The following LTK variants were observed in gnomAD, a reference collection of about 807,000 sequenced individuals.
LTK encodes leukocyte receptor tyrosine kinase.
A neutral mutation model predicts 101.5 loss-of-function variants in LTK; 117 were observed. That is an observed-to-expected ratio of 1.15 (90% CI 0.99 to 1.34). The LOEUF is 1.34. Ranked by LOEUF, LTK falls within the 40% of genes most tolerant of loss-of-function variation. The pLI, the probability that LTK is intolerant of heterozygous loss-of-function variation, is 0.00. For missense variants in LTK, 1,252 were observed against 1,164.7 expected (o/e 1.07, Z -1.09); for synonymous variants, 563 against 494.2 (o/e 1.14, Z -1.85).
Position 41,504,597 on chromosome 15 carries a change from T to C in LTK, c.2164A>G (p.Met722Val), listed in dbSNP as rs1039581319. The C allele has an allele frequency of 1.1e-5, 18 of 1,613,652 alleles. No homozygotes were observed. The highest frequency in any genetic ancestry group is 1.5e-5 in the Non-Finnish European group (18 of 1,179,992). ...TGGTTGGTGCGCCCAGGATAGGGCA[T>C]GTAGCCCAGTGAGAAGATCTCCCAG... is the stretch of plus-strand genomic sequence containing the variant. The part of the protein sequence containing the change: ...LLWEIFSLGY[M>V]PYPGRTNQEV... The change falls in exon 18 of 20, where the codon ATG becomes GTG. Residue 722 changes from methionine to valine, a missense_variant. Transcript: ENST00000263800.
At position 41,513,040 on chromosome 15, in the gene LTK, G is replaced by C. The variant is rs756998856; in HGVS notation, c.124C>G (p.Arg42Gly). ...GGCGGGGCGCTGACTTTCGGGTCCC[G>C]GGGGCTGGGACTTGCCAGCGGCAGG... ...SPLPLASPSP[R>G]DPKVSAPPSI... Residue 42 changes from arginine to glycine, a missense_variant, in exon 2 of 20, where the codon CGG becomes GGG. Arg to Gly is a moderately radical substitution (Grantham distance 125, BLOSUM62 -2). Coordinates refer to ENST00000263800, the MANE Select transcript of LTK (RefSeq NM_002344.6). 5 of 1,611,036 alleles carry C rather than the reference G, an allele frequency of 3.1e-6. No individual in the cohort carries two copies. The highest frequency in any genetic ancestry group is 4.2e-6 in the Non-Finnish European group (5 of 1,178,838).
rs1009516066 is a variant in LTK at position 41,512,804 on chromosome 15, C to T, written c.262G>A (p.Gly88Arg). ...ACCACGCTGGTCCCCGCGTACGCCCCGTCACATTGTGTCTGTGTGGGCCCA... is the reference window on the plus strand; with the variant it reads ...ACCACGCTGGTCCCCGCGTACGCCCTGTCACATTGTGTCTGTGTGGGCCCA... ...RHGPTQTQCD[G>R]AYAGTSVVVT... is the part of the protein sequence containing the mutation. Residue 88 changes from glycine to arginine, a missense_variant, in exon 3 of 20, where the codon GGG (glycine) becomes AGG (arginine). Gly to Arg is a moderately radical substitution (Grantham distance 125). Transcript: ENST00000263800. 1.9e-6 allele frequency: 3 copies of T among 1,612,454 alleles called. No individual in the cohort carries two copies. Among genetic ancestry groups the T allele is most frequent in the Admixed American group, 1.7e-5 (1 of 59,976 alleles).
At position 41,505,876 on chromosome 15, in the gene LTK, C is replaced by T. The variant is rs757027502; in HGVS notation, c.1632+39G>A. 71 of 1,601,200 alleles carry T rather than the reference C, an allele frequency of 4.4e-5. 1 individual carries two copies. The South Asian group carries it at 5.6e-4, about 13-fold the overall frequency. The stretch of plus-strand genomic sequence containing the variant: ...CATTGTCCTTCCCTTCAGGGTGTTC[C>T]GCTCTCCTACCCCCAGCCAGAAGTC... On this transcript the variant is annotated intron_variant, in intron 12 of 19. Transcript: ENST00000263800.
Position 41,511,302 on chromosome 15 carries a change from C to G in LTK, c.859G>C (p.Gly287Arg). The G allele has an allele frequency of 1.5e-6, 2 of 1,374,054 alleles. No homozygotes were observed. The highest frequency in any genetic ancestry group is 1.9e-6 in the Non-Finnish European group (2 of 1,070,948). 85.1% of individuals were successfully genotyped at this position (1,374,054 alleles called of 1,614,324 possible). The change falls in exon 7 of 20, where the codon GGC becomes CGC. Residue 287 changes from glycine (G) to arginine (R), a missense_variant. Transcript: ENST00000263800. The surrounding 1 kb of genome is among the most constrained non-coding windows in gnomAD (Gnocchi z 5.9). ...TCCGCCCCCTCCTGCAGTGAGCGGC[C>G]GGCCTGCGGAGAGGGAGCCCGCGAC... Reference protein sequence around the residue: ...WTSRAPSPQAGRSLQEGAEGG... With the variant: ...WTSRAPSPQARRSLQEGAEGG...
At position 41,511,651 on chromosome 15, in the gene LTK, C is replaced by T. The variant is rs949828266; in HGVS notation, c.658-73G>A. ...GGGCACTGCCACTGGGAGAGGGCTC[C>T]CGCCCAGGGGGCCTGGATAAGGGCA... On this transcript the variant is annotated intron_variant, in intron 5 of 19. Transcript: ENST00000263800. The surrounding 1 kb of genome is among the most constrained non-coding windows in gnomAD (Gnocchi z 5.9). 216 of 1,398,306 alleles carry T rather than the reference C, an allele frequency of 1.5e-4. No homozygotes were observed. The highest frequency in any genetic ancestry group is 8.4e-5 in the Non-Finnish European group (91 of 1,086,696). 86.6% of individuals were successfully genotyped at this position (1,398,306 alleles called of 1,614,324 possible). A position where few individuals can be genotyped will look rare whatever the true frequency, so the allele number is the denominator to read the frequency against.
At chr15:41,506,273 G>A (rs1238634589) in intron 11 of LTK, among the ~76,000 whole-genome samples, 6 of 152,228 alleles carry the variant, frequency 3.9e-5, no homozygotes, top group African/African-American at 7.2e-5. Flanking sequence ...CAGACGCCCT[G>A]GGCGGGAGGC....
At position 41,511,294 on chromosome 15, in the gene LTK, T is replaced by C. The variant is rs1438306793; in HGVS notation, c.867A>G (p.Ser289=). 1 of 1,388,828 alleles carries C rather than the reference T, an allele frequency of 7.2e-7. No individual in the cohort carries two copies. Among genetic ancestry groups the C allele is most frequent in the Non-Finnish European group, 9.3e-7 (1 of 1,077,982 alleles). The allele number at this position is 1,388,828 out of a possible 1,614,324, so 86.0% of individuals were successfully genotyped here. Residue 289 remains serine, a synonymous_variant, in exon 7 of 20, where the codon TCA becomes TCG. Transcript: ENST00000263800. This position sits in a 1 kb window ranked among gnomAD's most constrained non-coding sequence, Gnocchi z 5.9. ...GGCCGCCCTCCGCCCCCTCCTGCAG[T>C]GAGCGGCCGGCCTGCGGAGAGGGAG... The part of the protein sequence containing the change: ...SRAPSPQAGR[S]LQEGAEGGQG...
rs995972855 is a variant in LTK at position 41,508,279 on chromosome 15, A to T, written c.1097-58T>A. 4.7e-6 allele frequency: 7 copies of T among 1,486,834 alleles called. No homozygotes were observed. The Admixed American group carries it at 5.6e-5, about 12-fold the overall frequency. 92.1% of individuals were successfully genotyped at this position (1,486,834 alleles called of 1,614,324 possible). ...GGTAGGGCTGGGATATAGTAAATACATGCCTTTGGCTGGGTACAGTGGCAC... is the reference window on the plus strand; with the variant it reads ...GGTAGGGCTGGGATATAGTAAATACTTGCCTTTGGCTGGGTACAGTGGCAC... On this transcript the variant is annotated intron_variant, in intron 8 of 19. Transcript: ENST00000263800.
At position 41,505,253 on chromosome 15, in the gene LTK, A is replaced by G. The variant is rs746284760; in HGVS notation, c.1880T>C (p.Ile627Thr). The G allele has an allele frequency of 2.5e-6, 4 of 1,613,902 alleles. No individual in the cohort carries two copies. In the East Asian group the frequency reaches 8.9e-5, roughly 36 times the overall value. The change falls in exon 15 of 20, where the codon ATA becomes ACA. Residue 627 changes from isoleucine to threonine, a missense_variant. Coordinates refer to ENST00000263800, the MANE Select transcript of LTK (RefSeq NM_002344.6). Reference protein sequence around the residue: ...MRDLLQLAQDIAQGCHYLEEN... With the variant: ...MRDLLQLAQDTAQGCHYLEEN... ...CTCCAGGTAGTGGCAGCCCTGGGCT[A>G]TGTCCTGGGCCAGTTGCAGCAGGTC...
rs1669374643 is a variant in LTK at position 41,503,806 on chromosome 15, C to T, written c.*190G>A. 1.4e-6 allele frequency: 1 copy of T among 691,476 alleles called. No individual in the cohort carries two copies. The highest frequency in any genetic ancestry group is 2.4e-6 in the Non-Finnish European group (1 of 418,158). The allele number at this position is 691,476 out of a possible 1,614,324, so 42.8% of individuals were successfully genotyped here. On this transcript the variant is annotated 3_prime_UTR_variant, in exon 20 of 20. Transcript: ENST00000263800. ...AAAGCTGGAAGTGGCTGGGCCCTTC[C>T]CTGGGAGGCCTGGGCTGGTTTCCAG...
rs1466375840 is a variant in LTK at position 41,505,217 on chromosome 15, A to T, written c.1916T>A (p.Phe639Tyr). 3 of 1,613,904 alleles carry T rather than the reference A, an allele frequency of 1.9e-6. No homozygotes were observed. Among genetic ancestry groups the T allele is most frequent in the Admixed American group, 3.3e-5 (2 of 59,994 alleles). Reference protein sequence around the residue: ...QGCHYLEENHFIHRDIAARNC... With the variant: ...QGCHYLEENHYIHRDIAARNC... ...CAGGACTGCTCCTAACCTGTGGATG[A>T]AGTGATTTTCCTCCAGGTAGTGGCA... The change falls in exon 15 of 20, where the codon TTC (phenylalanine) becomes TAC (tyrosine). Residue 639 changes from phenylalanine to tyrosine, a missense_variant. Transcript: ENST00000263800.
At chr15:41,507,969 TG>T in intron 9 of LTK, 99 bp downstream of exon 9, 1 of 1,317,268 alleles carries the variant, frequency 7.6e-7, no homozygotes, top group Non-Finnish European at 1.0e-6. Flanking sequence ...CCACAGGGCC[TG>T]GCACACAGCA....
Position 41,506,012 on chromosome 15 carries a change from G to T in LTK, c.1542-7C>A, listed in dbSNP as rs780826032. 1.9e-6 allele frequency: 3 copies of T among 1,608,188 alleles called. No homozygotes were observed. Among genetic ancestry groups the T allele is most frequent in the Non-Finnish European group, 2.6e-6 (3 of 1,174,954 alleles). ...GGCACCATGGCCCAGGGCTCTGCAG[G>T]AAGACACGTTGGAAGGGAGTGGGCA... On this transcript the variant is annotated splice_region_variant and splice_polypyrimidine_tract_variant and intron_variant, in intron 11 of 19. Coordinates refer to ENST00000263800, the MANE Select transcript of LTK (RefSeq NM_002344.6).
At chr15:41,513,564 G>A (rs2051564261) in intron 1 of LTK, 103 bp downstream of exon 1, 1 of 1,063,706 alleles carries the variant, frequency 9.4e-7, no homozygotes, top group Non-Finnish European at 1.5e-6. Context: ...AGAGTTCGAG[G>A]CCTCTGGAGG....
intron 17 of LTK, 39 bp from the exon 18 acceptor site, chr15:41,504,679 G>C (rs1312115691): frequency 6.2e-7 from 1 of 1,607,296 alleles, no homozygotes; most frequent in Non-Finnish European, 8.5e-7. Flanking sequence ...GGCCCGTCAG[G>C]TGTAGCCTCC....
chr15:41,513,213 T>TCGCGGC, intron 1 of LTK, 93 bp from the exon 2 acceptor site: 1 of 1,434,844 alleles, frequency 7.0e-7, no homozygotes, highest in South Asian at 1.3e-5. Flanking sequence ...GCCCTTGCGG[T>TCGCGGC]CGCGGCCACA....
Position 41,511,251 on chromosome 15 carries a change from A to G in LTK, c.910T>C (p.Trp304Arg). 1 of 1,425,142 alleles carries G rather than the reference A, an allele frequency of 7.0e-7. No individual in the cohort carries two copies. The highest frequency in any genetic ancestry group is 3.1e-5 in the East Asian group (1 of 32,506). 88.3% of individuals were successfully genotyped at this position (1,425,142 alleles called of 1,614,324 possible). A position where few individuals can be genotyped will look rare whatever the true frequency, so the allele number is the denominator to read the frequency against. ...AEGGQGCSEA[W>R]ATLGWAAAGG... ...GCCGCGGCCCAGCCAAGGGTCGCCC[A>G]AGCCTCGGAGCAGCCCTGGCCGCCC... Residue 304 changes from tryptophan to arginine, a missense_variant, in exon 7 of 20, where the codon TGG (tryptophan) becomes CGG (arginine). By Grantham distance (101) the Trp-to-Arg change is moderately radical. Transcript: ENST00000263800. This position sits in a 1 kb window ranked among gnomAD's most constrained non-coding sequence, Gnocchi z 5.9.
chr15:41,513,552 T>C (rs2051563304), intron 1 of LTK, 115 bp downstream of exon 1: 1 of 957,396 alleles, frequency 1.0e-6, no homozygotes, highest in South Asian at 1.3e-5. Flanking sequence ...AATTTGGCTG[T>C]GAGAGTTCGA....
chr15:41,512,850 G>A lies in LTK; in HGVS notation c.216C>T (p.Thr72=). Residue 72 remains threonine (T), a synonymous_variant, in exon 3 of 20, where the codon ACC becomes ACT. Coordinates refer to ENST00000263800, the MANE Select transcript of LTK (RefSeq NM_002344.6). ...PGTEGSWLFS[T]CGASGRHGPT... ...GCCCATGCCGGCCGCTGGCCCCGCA[G>A]GTAGAAAACAGCCAAGACCCCTCGG... is the stretch of plus-strand genomic sequence containing the variant. 6.2e-7 allele frequency: 1 copy of A among 1,612,210 alleles called. No individual in the cohort carries two copies. The highest frequency in any genetic ancestry group is 8.5e-7 in the Non-Finnish European group (1 of 1,179,472).
Sources: gnomAD v4.1 joint callset for allele counts (sites outside exome capture counted in the v4.1 genomes callset) on GRCh38, gnomAD v4.1.1 for gene constraint, Gnocchi (gnomAD v3.1) non-coding constraint, MANE v1.5 for transcripts, NCBI Gene and HGNC (gene_info 2026-07-23, HGNC 2026-07-21) for gene names.